ARHGEF18: variants seen among roughly 807,000 people sequenced by gnomAD.
ARHGEF18 encodes rho guanine nucleotide exchange factor 18.
Under a neutral mutation model 155.7 loss-of-function variants are expected in ARHGEF18, and 93 were observed. That is an observed-to-expected ratio of 0.60 (90% confidence interval 0.50 to 0.71). The LOEUF (loss-of-function observed/expected upper bound fraction) is 0.71, where lower values mean the gene tolerates loss of function less well. Among genes scored for constraint, ARHGEF18 ranks in the 30% least tolerant of loss-of-function variants. The pLI is 0.00. For missense variants in ARHGEF18, 1,593 were observed against 1,816.1 expected (o/e 0.88, Z 2.23); for synonymous variants, 742 against 753.1 (o/e 0.99, Z 0.24).
Position 7,405,159 on chromosome 19 carries a change from A to G in ARHGEF18, c.967+21956A>G, listed in dbSNP as rs189894625. 2.8e-3 allele frequency among the ~76,000 whole-genome samples: 422 copies of G among 152,118 alleles called. 6 individuals carry two copies. Among genetic ancestry groups the G allele is most frequent in the African/African-American group, 8.5e-3 (353 of 41,506 alleles). On this transcript the variant is annotated intron_variant, in intron 10 of 28. Transcript: ENST00000668164. ...TTTTTAGTAGACACGAGGTTTCACCATGTCAGTCAGGCTGGTCTCAAACTC... is the reference window on the plus strand; with the variant it reads ...TTTTTAGTAGACACGAGGTTTCACCGTGTCAGTCAGGCTGGTCTCAAACTC...
chr19:7,427,051 C>T (rs1600399831), intron 10 of ARHGEF18, among the ~76,000 whole-genome samples: 1 of 152,238 alleles, frequency 6.6e-6, no homozygotes, highest in African/African-American at 2.4e-5. Flanking sequence ...CTTTTTCCCT[C>T]TCGTAAGCTC....
chr19:7,372,939 A>C lies in ARHGEF18; in HGVS notation c.143A>C (p.Glu48Ala). 1.6e-6 allele frequency: 2 copies of C among 1,234,564 alleles called. No individual in the cohort carries two copies. Among genetic ancestry groups the C allele is most frequent in the Non-Finnish European group, 1.0e-6 (1 of 988,338 alleles). 76.5% of individuals were successfully genotyped at this position (1,234,564 alleles called of 1,614,324 possible). The part of the protein sequence containing the change: ...LGAPSHSQPG[E>A]TPDSRPTGEE... ...GCCCCTTCCCACAGCCAGCCTGGGG[A>C]GACCCCAGACAGCCGCCCCACCGGT... Residue 48 changes from glutamate to alanine, a missense_variant, in exon 3 of 29, where the codon GAG (glutamate) becomes GCG (alanine). Coordinates refer to ENST00000668164, the MANE Select transcript of ARHGEF18 (RefSeq NM_001367823.1).
intron 8 of ARHGEF18, among the ~76,000 whole-genome samples, chr19:7,381,740 T>G (rs1970754585): frequency 6.6e-6 from 1 of 151,054 alleles, no homozygotes; most frequent in African/African-American, 2.5e-5. Context: ...AAAAGAGCAG[T>G]GGGGCCTTTG....
At chr19:7,370,339 C>CA (rs1329083476) in intron 2 of ARHGEF18, among the ~76,000 whole-genome samples, 3 of 151,666 alleles carry the variant, frequency 2.0e-5, no homozygotes, top group Non-Finnish European at 4.4e-5. Flanking sequence ...ACTAAAAATA[C>CA]AAAAAAATTA....
chr19:7,459,006 C>A (rs1376740791), intron 19 of ARHGEF18, among the ~76,000 whole-genome samples: 3 of 152,128 alleles, frequency 2.0e-5, no homozygotes, highest in Admixed American at 1.3e-4. Context: ...GGCCGAGCAC[C>A]CCTCAGGGCC....
intron 10 of ARHGEF18, among the ~76,000 whole-genome samples, chr19:7,425,962 T>A (rs188719146): frequency 1.3e-5 from 2 of 152,044 alleles, no homozygotes; most frequent in South Asian, 4.2e-4. Context: ...AATGCACCAC[T>A]GCACTCCAGC....
At chr19:7,369,557 G>A (rs1970105531) in intron 2 of ARHGEF18, among the ~76,000 whole-genome samples, 1 of 152,038 alleles carries the variant, frequency 6.6e-6, no homozygotes, top group Non-Finnish European at 1.5e-5. Context: ...CCAGCCCTTT[G>A]GGAGGCTGAG....
chr19:7,474,353 A>T (rs1977166662), downstream of ARHGEF18, among the ~76,000 whole-genome samples: 1 of 152,148 alleles, frequency 6.6e-6, no homozygotes, highest in Admixed American at 6.5e-5. Context: ...AAAAAAGAAA[A>T]AAAGGATGTA....
In ARHGEF18 at chr19:7,466,836, A is replaced by AAAGAAG. The variant is rs1555729789; in HGVS notation, c.2905-69_2905-64dup. ...AAAAAAAAAAAAAAAAGTTAAAAAA[A>AAAGAAG]AAGAAGAAGAAGAAGAAGGCTTGAG... On this transcript the variant is annotated intron_variant, in intron 23 of 28. Coordinates refer to ENST00000668164, the MANE Select transcript of ARHGEF18 (RefSeq NM_001367823.1). The AAAGAAG allele has an allele frequency of 8.9e-5, 97 of 1,094,924 alleles. 1 individual carries two copies. In the Middle Eastern group the frequency reaches 1.3e-3, roughly 15 times the overall value. The allele number at this position is 1,094,924 out of a possible 1,614,324, so 67.8% of individuals were successfully genotyped here.
At chr19:7,378,042 G>A (rs1004207483) in intron 5 of ARHGEF18, among the ~76,000 whole-genome samples, 2 of 152,100 alleles carry the variant, frequency 1.3e-5, no homozygotes, top group Non-Finnish European at 2.9e-5. Flanking sequence ...GCAGTGAGCT[G>A]AGATTGAGCC....
chr19:7,426,499 A>AAAG (rs1473836258), intron 10 of ARHGEF18, among the ~76,000 whole-genome samples: 6 of 151,680 alleles, frequency 4.0e-5, no homozygotes, highest in South Asian at 2.1e-4. Context: ...AAAAAAAAAA[A>AAAG]AAAGAAAAAA....
intron 1 of ARHGEF18, among the ~76,000 whole-genome samples, chr19:7,359,971 A>G (rs939423898): frequency 6.6e-6 from 1 of 152,142 alleles, no homozygotes; most frequent in Admixed American, 6.5e-5. Flanking sequence ...CCTAGCCAAC[A>G]TGGTGAAACC....
At chr19:7,425,677 G>A (rs1973618661) in intron 10 of ARHGEF18, among the ~76,000 whole-genome samples, 2 of 136,590 alleles carry the variant, frequency 1.5e-5, no homozygotes, top group African/African-American at 5.8e-5. Context: ...GTGAGACTCC[G>A]TCTCAAAAAA....
chr19:7,478,697 G>A, the ARHGEF18 span, among the ~76,000 whole-genome samples: 2 of 152,246 alleles, frequency 1.3e-5, no homozygotes, highest in African/African-American at 4.8e-5. Flanking sequence ...GCCTGGCAGG[G>A]AGTCCTACAC....
chr19:7,376,487 G>A (rs1600226784), intron 4 of ARHGEF18, among the ~76,000 whole-genome samples, 156 bp from the exon 5 acceptor site: 1 of 152,070 alleles, frequency 6.6e-6, no homozygotes, highest in East Asian at 1.9e-4. Context: ...CATGTCTTAT[G>A]GCTGGGGGGA....
downstream of ARHGEF18, among the ~76,000 whole-genome samples, chr19:7,473,715 C>A (rs543257633): frequency 1.4e-5 from 2 of 147,914 alleles, no homozygotes; most frequent in South Asian, 4.2e-4. Context: ...GAGGCTGAAG[C>A]AGGAGAATGG....
At chr19:7,393,590 C>T (rs1360200606) in intron 10 of ARHGEF18, among the ~76,000 whole-genome samples, 2 of 151,998 alleles carry the variant, frequency 1.3e-5, no homozygotes, top group Non-Finnish European at 2.9e-5. Flanking sequence ...TGTTCAACTG[C>T]CTCCCCTGTG....
chr19:7,451,246 G>C lies in ARHGEF18; in HGVS notation c.1835G>C (p.Arg612Pro), dbSNP rs370171613. ...RITKYPVLVE[R>P]IIQNTEAGTE... ...ACCAAATACCCAGTGCTGGTGGAGC[G>C]CATCATCCAGAACACGGAAGGTAGG... is the stretch of plus-strand genomic sequence containing the variant. The change falls in exon 16 of 29, where the codon CGC (arginine) becomes CCC (proline). Residue 612 changes from arginine to proline, a missense_variant. Coordinates refer to ENST00000668164, the MANE Select transcript of ARHGEF18 (RefSeq NM_001367823.1). The C allele has an allele frequency of 6.2e-7, 1 of 1,612,528 alleles. No individual in the cohort carries two copies. The highest frequency in any genetic ancestry group is 8.5e-7 in the Non-Finnish European group (1 of 1,179,628).
chr19:7,474,208 A>C (rs563763796), downstream of ARHGEF18, among the ~76,000 whole-genome samples: 3 of 151,930 alleles, frequency 2.0e-5, no homozygotes, highest in South Asian at 4.2e-4. Context: ...GCGTGGTGGC[A>C]AACACCTGTA....
Sources: gnomAD v4.1 joint callset for allele counts (sites outside exome capture counted in the v4.1 genomes callset) on GRCh38, gnomAD v4.1.1 for gene constraint, MANE v1.5 for transcripts, NCBI Gene and HGNC (gene_info 2026-07-23, HGNC 2026-07-21) for gene names.